Variants in CACNA1B observed in about 807,000 individuals in gnomAD.
CACNA1B encodes calcium voltage-gated channel subunit alpha1 B.
In CACNA1B, 70 loss-of-function variants were observed where a neutral mutation model predicts 247.2. That is an observed-to-expected ratio of 0.28 (90% CI 0.23 to 0.35). CACNA1B has a LOEUF of 0.35. CACNA1B is among the 10% of genes least tolerant of loss of function. CACNA1B has a pLI of 1.00. For missense variants in CACNA1B, 2,367 were observed against 3,197.4 expected (o/e 0.74, Z 6.26); for synonymous variants, 1,231 against 1,294.4 (o/e 0.95, Z 1.05).
At chr9:138,045,953 C>T (rs887353218) in intron 21 of CACNA1B, among the ~76,000 whole-genome samples, 7 of 152,016 alleles carry the variant, frequency 4.6e-5, no homozygotes, top group Non-Finnish European at 7.4e-5. Context: ...GACACGCCTG[C>T]GAGGCAGGGG....
At chr9:137,900,120 C>T (rs1165146245) in intron 3 of CACNA1B, among the ~76,000 whole-genome samples, 1 of 152,152 alleles carries the variant, frequency 6.6e-6, no homozygotes, top group East Asian at 1.9e-4. Context: ...GGTGGCTAGA[C>T]CAGGCCTGAC....
At chr9:138,086,145 TA>T (rs1337990523) in intron 36 of CACNA1B, among the ~76,000 whole-genome samples, 1 of 151,200 alleles carries the variant, frequency 6.6e-6, no homozygotes, top group Non-Finnish European at 1.5e-5. Flanking sequence ...ATGATAACCT[TA>T]AATGTAAATG....
intron 39 of CACNA1B, among the ~76,000 whole-genome samples, chr9:138,109,415 T>C (rs1234703464): frequency 6.6e-6 from 1 of 152,242 alleles, no homozygotes; most frequent in African/African-American, 2.4e-5. Flanking sequence ...AGTTTGTGTT[T>C]GTGAGGTGGG....
rs1170636760 is a variant in CACNA1B at position 138,123,879 on chromosome 9, A to T, written c.*1880A>T. 1 of 152,126 alleles carries T rather than the reference A, an allele frequency of 6.6e-6. No homozygotes were observed. The highest frequency in any genetic ancestry group is 1.5e-5 in the Non-Finnish European group (1 of 68,038). 9.4% of individuals were successfully genotyped at this position (152,126 alleles called of 1,614,324 possible). A position where few individuals can be genotyped will look rare whatever the true frequency, so the allele number is the denominator to read the frequency against. ...TGTGCTCCTGTTGCAAAGTAGAAGG[A>T]TGTGTATTTTGACACTGACGTTTTG... On this transcript the variant is annotated 3_prime_UTR_variant, in exon 47 of 47. Coordinates refer to ENST00000371372, the MANE Select transcript of CACNA1B (RefSeq NM_000718.4).
chr9:138,096,998 T>G (rs1340064313), intron 37 of CACNA1B, among the ~76,000 whole-genome samples: 1 of 150,532 alleles, frequency 6.6e-6, no homozygotes, highest in Non-Finnish European at 1.5e-5. Flanking sequence ...TGTGGGAGGG[T>G]GTGTGGAGAC....
chr9:138,122,284 C>T lies in CACNA1B; in HGVS notation c.*285C>T, dbSNP rs1285523382. 8 of 490,010 alleles carry T rather than the reference C, an allele frequency of 1.6e-5. No homozygotes were observed. Among genetic ancestry groups the T allele is most frequent in the Non-Finnish European group, 2.9e-5 (8 of 273,166 alleles). The allele number at this position is 490,010 out of a possible 1,614,324, so 30.4% of individuals were successfully genotyped here. A position where few individuals can be genotyped will look rare whatever the true frequency, so the allele number is the denominator to read the frequency against. The stretch of plus-strand genomic sequence containing the variant: ...CTGCTGTGTGTGGCTGAGAAGGACC[C>T]AGGAGTCCAAATCCCGTGTCCTGGG... On this transcript the variant is annotated 3_prime_UTR_variant, in exon 47 of 47. Transcript: ENST00000371372.
chr9:138,034,926 A>G (rs1324500384), intron 20 of CACNA1B, among the ~76,000 whole-genome samples: 1 of 152,202 alleles, frequency 6.6e-6, no homozygotes, highest in Non-Finnish European at 1.5e-5. Flanking sequence ...ACTTGAACAT[A>G]ATTACTGCAA....
Position 138,073,956 on chromosome 9 carries a change from G to A in CACNA1B, c.4792-45G>A. On this transcript the variant is annotated intron_variant, in intron 33 of 46. Coordinates refer to ENST00000371372, the MANE Select transcript of CACNA1B (RefSeq NM_000718.4). This position sits in a 1 kb window ranked among gnomAD's most constrained non-coding sequence, Gnocchi z 6.4. ...CCACCGTAGCAGGAGGCCTGGGCGT[G>A]GTGGCTGGGAGGTGCCTGTAGCTGA... 1.3e-6 allele frequency: 2 copies of A among 1,532,836 alleles called. No individual in the cohort carries two copies. The highest frequency in any genetic ancestry group is 1.8e-6 in the Non-Finnish European group (2 of 1,112,808). 95.0% of individuals were successfully genotyped at this position (1,532,836 alleles called of 1,614,324 possible).
chr9:138,111,904 C>T (rs1020916996), intron 39 of CACNA1B, among the ~76,000 whole-genome samples: 1 of 151,642 alleles, frequency 6.6e-6, no homozygotes, highest in African/African-American at 2.4e-5. Flanking sequence ...CCGCTCTGCT[C>T]TCCTTGCCTT....
At position 137,882,046 on chromosome 9, in the gene CACNA1B, A is replaced by G. The variant is rs1299468515; in HGVS notation, c.391-698A>G. On this transcript the variant is annotated intron_variant, in intron 2 of 46. Coordinates refer to ENST00000371372, the MANE Select transcript of CACNA1B (RefSeq NM_000718.4). This position sits in a 1 kb window ranked among gnomAD's most constrained non-coding sequence, Gnocchi z 4.0. Reference sequence around the variant, plus strand: ...CTGGCTGCCTCCAGGGTCCTCACAGATGTGGCGGTCGTCGCTCAGCACACT... The same window carrying G: ...CTGGCTGCCTCCAGGGTCCTCACAGGTGTGGCGGTCGTCGCTCAGCACACT... Among the ~76,000 whole-genome samples, 1 of 152,092 alleles carries G rather than the reference A, an allele frequency of 6.6e-6. No individual in the cohort carries two copies.
Position 137,950,397 on chromosome 9 carries a change from C to T in CACNA1B, c.967-1877C>T, listed in dbSNP as rs568393111. ...TGTGTAAATGGAAGTCAAGGTGTCC[C>T]GTGTGGTCTTCACTAGTACCGCGGA... On this transcript the variant is annotated intron_variant, in intron 6 of 46. Coordinates refer to ENST00000371372, the MANE Select transcript of CACNA1B (RefSeq NM_000718.4). This position sits in a 1 kb window ranked among gnomAD's most constrained non-coding sequence, Gnocchi z 4.8. Among the ~76,000 whole-genome samples, 3 of 152,182 alleles carry T rather than the reference C, an allele frequency of 2.0e-5. No homozygotes were observed. Among genetic ancestry groups the T allele is most frequent in the Non-Finnish European group, 4.4e-5 (3 of 68,034 alleles).
Position 137,954,879 on chromosome 9 carries a change from T to TGTGTGTGTGAGA in CACNA1B, c.1071-818_1071-817insTGTGTGTGAGAG, listed in dbSNP as rs1440887333. On this transcript the variant is annotated intron_variant, in intron 7 of 46. Coordinates refer to ENST00000371372, the MANE Select transcript of CACNA1B (RefSeq NM_000718.4). The surrounding 1 kb of genome is among the most constrained non-coding windows in gnomAD (Gnocchi z 4.1). ...GCTTGTGTGTGTGTGTGTGTGTGTG[T>TGTGTGTGTGAGA]GAGAGAGAGAGAGAGAGAGAGAGGG... Among the ~76,000 whole-genome samples the TGTGTGTGTGAGA allele has an allele frequency of 6.9e-6, 1 of 145,194 alleles. No homozygotes were observed. The highest frequency in any genetic ancestry group is 2.6e-5 in the African/African-American group (1 of 38,622).
chr9:137,935,843 C>T (rs1249068342), intron 6 of CACNA1B, among the ~76,000 whole-genome samples: 3 of 151,866 alleles, frequency 2.0e-5, no homozygotes, highest in Non-Finnish European at 2.9e-5. Flanking sequence ...GGCATGATCT[C>T]GGCTCACTGC....
chr9:138,112,112 G>A (rs949915622), intron 39 of CACNA1B, among the ~76,000 whole-genome samples: 15 of 126,682 alleles, frequency 1.2e-4, no homozygotes, highest in African/African-American at 3.8e-4. Context: ...ACACACGAAC[G>A]TGCAGTGCAC....
chr9:137,960,522 G>A (rs1011539662), intron 10 of CACNA1B, among the ~76,000 whole-genome samples: 1 of 149,918 alleles, frequency 6.7e-6, no homozygotes, highest in African/African-American at 2.5e-5. Flanking sequence ...TCAGCCTGAG[G>A]GATGCCCAGG....
intron 20 of CACNA1B, among the ~76,000 whole-genome samples, chr9:138,031,559 T>A (rs1422637755): frequency 6.6e-6 from 1 of 152,186 alleles, no homozygotes; most frequent in East Asian, 1.9e-4. Context: ...TTGTCTACAT[T>A]CGGATTTTCT....
chr9:137,953,747 A>G lies in CACNA1B; in HGVS notation c.1070+1370A>G, dbSNP rs114167640. Among the ~76,000 whole-genome samples the G allele has an allele frequency of 3.1e-3, 473 of 152,172 alleles. 4 individuals are homozygous for G. The highest frequency in any genetic ancestry group is 0.011 in the African/African-American group (436 of 41,504). On this transcript the variant is annotated intron_variant, in intron 7 of 46. Coordinates refer to ENST00000371372, the MANE Select transcript of CACNA1B (RefSeq NM_000718.4). ...AACAGCTGGGGTGGAGGCACAGTGGACAGAAGGTTGTGGCCTGTGTGTTGC... is the reference window on the plus strand; with the variant it reads ...AACAGCTGGGGTGGAGGCACAGTGGGCAGAAGGTTGTGGCCTGTGTGTTGC...
intron 20 of CACNA1B, among the ~76,000 whole-genome samples, chr9:138,036,115 T>G (rs1959040132): frequency 6.6e-6 from 1 of 151,980 alleles, no homozygotes; most frequent in Non-Finnish European, 1.5e-5. Flanking sequence ...CCCCCGCCCC[T>G]TCTGCCTGAA....
chr9:138,088,374 A>C (rs1392759353), intron 36 of CACNA1B, among the ~76,000 whole-genome samples: 3 of 152,158 alleles, frequency 2.0e-5, no homozygotes, highest in African/African-American at 7.2e-5. Context: ...GTCTCAAAAA[A>C]AAAAAAATTG....
Sources: allele counts gnomAD v4.1 joint callset (sites outside exome capture counted in the v4.1 genomes callset), GRCh38; gene constraint gnomAD v4.1.1; non-coding constraint Gnocchi (gnomAD v3.1); transcripts MANE v1.5; gene names NCBI Gene and HGNC (gene_info 2026-07-23, HGNC 2026-07-21).